FAM13B: variants seen among roughly 807,000 people sequenced by gnomAD.
The protein encoded by FAM13B is family with sequence similarity 13 member B.
A neutral mutation model predicts 117.3 loss-of-function variants in FAM13B; 60 were observed. The ratio of observed to expected loss-of-function variants is 0.51; its 90% confidence interval spans 0.42 to 0.63. The LOEUF is 0.63. FAM13B is among the 30% of genes least tolerant of loss of function. The probability of loss-of-function intolerance (pLI) is 0.00; values close to 1 mark genes in which losing one functional copy is unlikely to be tolerated. For missense variants in FAM13B, 972 were observed against 1,091.9 expected (o/e 0.89, Z 1.55); for synonymous variants, 332 against 356.1 (o/e 0.93, Z 0.76).
intron 1 of FAM13B, among the ~76,000 whole-genome samples, chr5:138,044,011 T>A (rs1791573826): frequency 6.6e-6 from 1 of 152,142 alleles, no homozygotes; most frequent in African/African-American, 2.4e-5. Flanking sequence ...CCAGAACTCC[T>A]GGGCTCAAGT....
At chr5:138,022,856 TCTCA>T (rs1252515061) in intron 1 of FAM13B, among the ~76,000 whole-genome samples, 1 of 149,960 alleles carries the variant, frequency 6.7e-6, no homozygotes, top group Non-Finnish European at 1.5e-5. Context: ...CGAGACAGGG[TCTCA>T]CTCTGTCACC....
intron 10 of FAM13B, among the ~76,000 whole-genome samples, chr5:137,964,108 C>A (rs1768957205): frequency 6.6e-6 from 1 of 152,014 alleles, no homozygotes; most frequent in Non-Finnish European, 1.5e-5. Context: ...GTCATCCAGG[C>A]CAGAGTGAGG....
chr5:137,959,127 C>CA (rs1231837796), intron 13 of FAM13B, among the ~76,000 whole-genome samples: 1 of 152,136 alleles, frequency 6.6e-6, no homozygotes, highest in East Asian at 1.9e-4. Context: ...TCCCCTGCAC[C>CA]ATACCTTCAT....
intron 7 of FAM13B, among the ~76,000 whole-genome samples, chr5:137,994,278 C>CT (rs79489578): frequency 0.094 from 14,357 of 152,182 alleles, 1,430 homozygotes; most frequent in East Asian, 0.57. Flanking sequence ...AGATTTTCTA[C>CT]TTTAAGAGTC....
intron 10 of FAM13B, among the ~76,000 whole-genome samples, chr5:137,983,085 AG>A: frequency 6.6e-6 from 1 of 151,534 alleles, no homozygotes; most frequent in East Asian, 1.9e-4. Context: ...AAGCAATCTG[AG>A]AAATGGGCCC....
rs193074573 is a variant in FAM13B at position 137,943,058 on chromosome 5, G to A, written c.2425-20C>T. On this transcript the variant is annotated intron_variant, in intron 21 of 23. Transcript: ENST00000689681. ...TTCCTCCTAAAAAGATATCCAAACAGAGAATCAAACATGCCTTGTCTTTGA... is the reference window on the plus strand; with the variant it reads ...TTCCTCCTAAAAAGATATCCAAACAAAGAATCAAACATGCCTTGTCTTTGA... 2 of 1,612,612 alleles carry A rather than the reference G, an allele frequency of 1.2e-6. No homozygotes were observed. Among genetic ancestry groups the A allele is most frequent in the South Asian group, 1.1e-5 (1 of 90,986 alleles).
At chr5:138,020,345 C>T (rs1486795630) in intron 2 of FAM13B, among the ~76,000 whole-genome samples, 5 of 152,184 alleles carry the variant, frequency 3.3e-5, no homozygotes, top group African/African-American at 2.4e-5. Flanking sequence ...AGGCACAAGC[C>T]GTTGTGCCTG....
At chr5:138,050,659 A>G (rs1459430844) in intron 1 of FAM13B, among the ~76,000 whole-genome samples, 1 of 151,978 alleles carries the variant, frequency 6.6e-6, no homozygotes, top group Admixed American at 6.6e-5. Flanking sequence ...CTACAGAAAC[A>G]CCTGTTAACC....
At chr5:138,000,258 G>T (rs1203443120) in intron 7 of FAM13B, among the ~76,000 whole-genome samples, 3 of 151,988 alleles carry the variant, frequency 2.0e-5, no homozygotes, top group Admixed American at 1.3e-4. Context: ...TATTAGTCAG[G>T]CATGGTGCTG....
intron 9 of FAM13B, 30 bp downstream of exon 9, chr5:137,987,431 T>C (rs1326380520): frequency 4.5e-6 from 7 of 1,568,568 alleles, no homozygotes; most frequent in African/African-American, 1.4e-5. Context: ...TTTTATAACA[T>C]TTAATAAACA....
chr5:137,948,890 T>G, intron 18 of FAM13B, 65 bp downstream of exon 18: 1 of 1,223,326 alleles, frequency 8.2e-7, no homozygotes, highest in Non-Finnish European at 1.2e-6. Context: ...TACCCTGCTA[T>G]AGTAATTATT....
chr5:137,973,451 A>T (rs1398210838), intron 10 of FAM13B, among the ~76,000 whole-genome samples: 1 of 152,100 alleles, frequency 6.6e-6, no homozygotes, highest in Non-Finnish European at 1.5e-5. Flanking sequence ...CTTATACAAA[A>T]ATCAATTCAA....
intron 1 of FAM13B, among the ~76,000 whole-genome samples, chr5:138,044,785 T>G (rs115750919): frequency 0.014 from 2,129 of 152,300 alleles, 37 homozygotes; most frequent in African/African-American, 0.047. Flanking sequence ...ATTTTAAATT[T>G]TTTAAAAAGA....
chr5:138,025,315 T>TTG lies in FAM13B; in HGVS notation c.-202-4119_-202-4118insCA, dbSNP rs1561544122. 3.2e-5 allele frequency among the ~76,000 whole-genome samples: 3 copies of TTG among 92,550 alleles called. 1 individual carries two copies. The highest frequency in any genetic ancestry group is 1.2e-4 in the African/African-American group (3 of 25,524). The allele number at this position is 92,550 out of a possible 152,430, so 60.7% of individuals were successfully genotyped here. A position where few individuals can be genotyped will look rare whatever the true frequency, so the allele number is the denominator to read the frequency against. On this transcript the variant is annotated intron_variant, in intron 1 of 23. Coordinates refer to ENST00000689681, the MANE Select transcript of FAM13B (RefSeq NM_001385994.1). Reference sequence around the variant, plus strand: ...TATATATATATATATATATATGTATTTTTTTTTTTTTTTTTTTTGAGTTGA... The same window carrying TTG: ...TATATATATATATATATATATGTATTTGTTTTTTTTTTTTTTTTTTGAGTTGA...
chr5:137,983,176 TAAAAAAAAAAAAAAAAAAAA>T (rs56880991), intron 10 of FAM13B, among the ~76,000 whole-genome samples: 8 of 75,112 alleles, frequency 1.1e-4, no homozygotes, highest in South Asian at 4.6e-4. Flanking sequence ...CCAGTGTAGG[TAAAAAAAAAAAAAAAAAAAA>T]AAAAAAAAAA....
intron 7 of FAM13B, 37 bp from the exon 8 acceptor site, chr5:137,988,352 C>T: frequency 6.6e-7 from 1 of 1,523,662 alleles, no homozygotes; most frequent in African/African-American, 1.4e-5. Context: ...TAAAAATGTT[C>T]AATACTTAAT....
chr5:138,016,074 A>G (rs2150948014), intron 4 of FAM13B, among the ~76,000 whole-genome samples: 1 of 152,350 alleles, frequency 6.6e-6, no homozygotes, highest in African/African-American at 2.4e-5. Context: ...ATGTTAGCAT[A>G]AGAATAAGTA....
chr5:138,027,383 T>C (rs539281204), intron 1 of FAM13B, among the ~76,000 whole-genome samples: 124 of 152,360 alleles, frequency 8.1e-4, no homozygotes, highest in Non-Finnish European at 1.5e-3. Flanking sequence ...GATAGAGATT[T>C]ATAAGTTTGT....
intron 10 of FAM13B, among the ~76,000 whole-genome samples, chr5:137,971,756 G>A (rs4835743): frequency 0.73 from 104,928 of 143,470 alleles, 38,966 homozygotes; most frequent in East Asian, 0.97. Flanking sequence ...TCAAATAGAC[G>A]CAATAAAAAA....
Sources: gnomAD v4.1 joint callset for allele counts (sites outside exome capture counted in the v4.1 genomes callset) on GRCh38, gnomAD v4.1.1 for gene constraint, MANE v1.5 for transcripts, NCBI Gene and HGNC (gene_info 2026-07-23, HGNC 2026-07-21) for gene names.